The following WDR27 variants were observed in gnomAD, a reference collection of about 807,000 sequenced individuals.
The protein encoded by WDR27 is WD repeat-containing protein 27.
A neutral mutation model predicts 114.4 loss-of-function variants in WDR27; 100 were observed. The observed-to-expected ratio is 0.87, with a 90% CI of 0.74 to 1.03. The LOEUF (loss-of-function observed/expected upper bound fraction) is 1.03, where lower values mean the gene tolerates loss of function less well. WDR27 is among the 50% of genes least tolerant of loss of function. WDR27 has a pLI of 0.00. For synonymous variants in WDR27, 449 were observed against 423.1 expected, an observed-to-expected ratio of 1.06 and a Z score of -0.75; for missense variants, 1,129 against 1,092.9, an observed-to-expected ratio of 1.03 and a Z score of -0.47.
chr6:169,665,240 C>A lies in WDR27; in HGVS notation c.783+246G>T. The A allele has an allele frequency of 2.4e-6, 3 of 1,270,650 alleles. No homozygotes were observed. In the South Asian group the frequency reaches 7.0e-5, roughly 30 times the overall value. 78.7% of individuals were successfully genotyped at this position (1,270,650 alleles called of 1,614,324 possible). On this transcript the variant is annotated intron_variant, in intron 7 of 25. Transcript: ENST00000448612. ...GTGAGTGGCCCTCACTTTTGCTGCA[C>A]TCCAGAACCACGCATGGAGCTCTGG... is the stretch of plus-strand genomic sequence containing the variant.
At chr6:169,498,386 T>C (rs917545778) in intron 25 of WDR27, among the ~76,000 whole-genome samples, 2 of 152,162 alleles carry the variant, frequency 1.3e-5, no homozygotes, top group African/African-American at 4.8e-5. Context: ...ACTAACATGA[T>C]GAATGCACTC....
At position 169,659,535 on chromosome 6, in the gene WDR27, A is replaced by G. The variant is rs1331736082; in HGVS notation, c.1130-17T>C. 1 of 1,600,988 alleles carries G rather than the reference A, an allele frequency of 6.2e-7. No homozygotes were observed. The highest frequency in any genetic ancestry group is 8.5e-7 in the Non-Finnish European group (1 of 1,174,320). ...TCTGGAAATCTTCAGTTGAGCGAAG[A>G]CCAGGAAGAACATGATGGGGAGGGA... is the stretch of plus-strand genomic sequence containing the variant. On this transcript the variant is annotated splice_polypyrimidine_tract_variant and intron_variant, in intron 10 of 25. Coordinates refer to ENST00000448612, the MANE Select transcript of WDR27 (RefSeq NM_182552.5). This position sits in a 1 kb window ranked among gnomAD's most constrained non-coding sequence, Gnocchi z 4.3.
intron 25 of WDR27, among the ~76,000 whole-genome samples, chr6:169,570,954 G>A (rs758813501): frequency 6.6e-6 from 1 of 152,178 alleles, no homozygotes. Context: ...TTGCCCTCTC[G>A]GCCAGGCCCA....
chr6:169,621,285 C>T (rs1813082793), intron 21 of WDR27, among the ~76,000 whole-genome samples: 2 of 151,248 alleles, frequency 1.3e-5, no homozygotes, highest in African/African-American at 2.5e-5. Context: ...CACACACACA[C>T]ATGCACGCAC....
Position 169,594,151 on chromosome 6 carries a change from C to A in WDR27, c.2424+8068G>T, listed in dbSNP as rs551250220. ...ATCATGTTAGAAACAACATTATTTT[C>A]AAGAAATTCTACAATTTCCTATTTT... is the stretch of plus-strand genomic sequence containing the variant. On this transcript the variant is annotated intron_variant, in intron 23 of 25. Coordinates refer to ENST00000448612, the MANE Select transcript of WDR27 (RefSeq NM_182552.5). Among the ~76,000 whole-genome samples the A allele has an allele frequency of 3.9e-4, 60 of 152,264 alleles. 1 individual carries two copies. The South Asian group carries it at 0.012, about 30-fold the overall frequency.
chr6:169,666,749 C>T (rs916384470), intron 6 of WDR27: 47 of 994,058 alleles, frequency 4.7e-5, no homozygotes, highest in Non-Finnish European at 5.3e-5. Context: ...CCAGGTGTGG[C>T]GCACGCCCAA....
chr6:169,497,620 A>T (rs1166456246), intron 25 of WDR27, among the ~76,000 whole-genome samples: 1 of 152,174 alleles, frequency 6.6e-6, no homozygotes, highest in African/African-American at 2.4e-5. Context: ...TCCAAAGAAG[A>T]TACACAAATG....
At chr6:169,426,712 C>T in the WDR27 span, 3,061 of 152,426 alleles carry the variant, frequency 0.02, 65 homozygotes, top group East Asian at 0.069. Flanking sequence ...TGGAAACTGT[C>T]TTTTTACTGG....
rs118027226 is a variant in WDR27 at position 169,572,266 on chromosome 6, C to A, written c.2645+153G>T. 1.4e-3 allele frequency among the ~76,000 whole-genome samples: 206 copies of A among 152,092 alleles called. 4 individuals are homozygous for A. In the East Asian group the frequency reaches 0.032, roughly 24 times the overall value. On this transcript the variant is annotated intron_variant, in intron 25 of 25. Transcript: ENST00000448612. Reference sequence around the variant, plus strand: ...AAAATTAAAAGAATTCTGGGCCGGGCGTGGTGGCTCACGCCGGTAATCCCA... The same window carrying A: ...AAAATTAAAAGAATTCTGGGCCGGGAGTGGTGGCTCACGCCGGTAATCCCA...
At chr6:169,649,004 T>C (rs73240727) in intron 15 of WDR27, among the ~76,000 whole-genome samples, 194 bp downstream of exon 15, 5,857 of 152,348 alleles carry the variant, frequency 0.038, 390 homozygotes, top group African/African-American at 0.13. Context: ...ACAGACCATG[T>C]CTGAAAAATT....
chr6:169,439,288 G>T, the WDR27 span, among the ~76,000 whole-genome samples: 1 of 152,152 alleles, frequency 6.6e-6, no homozygotes, highest in African/African-American at 2.4e-5. Flanking sequence ...TATCAGTAAT[G>T]ATTTTGGTTG....
chr6:169,530,893 G>A (rs1470923033), intron 25 of WDR27, among the ~76,000 whole-genome samples: 3 of 152,200 alleles, frequency 2.0e-5, no homozygotes, highest in African/African-American at 4.8e-5. Flanking sequence ...ATGCATGCAC[G>A]TCTCATGTCT....
chr6:169,514,873 G>C (rs370926185), intron 25 of WDR27, among the ~76,000 whole-genome samples: 1 of 150,728 alleles, frequency 6.6e-6, no homozygotes, highest in Non-Finnish European at 1.5e-5. Flanking sequence ...TTGACAAATA[G>C]TAATTACAAA....
At chr6:169,606,204 A>C (rs1341445837) in intron 22 of WDR27, among the ~76,000 whole-genome samples, 3 of 151,794 alleles carry the variant, frequency 2.0e-5, no homozygotes, top group African/African-American at 7.3e-5. Context: ...CAAACTATGC[A>C]TTTTACAGGG....
chr6:169,658,135 G>C, intron 13 of WDR27, 141 bp downstream of exon 13: 1 of 691,312 alleles, frequency 1.4e-6, no homozygotes, highest in South Asian at 1.7e-5. Flanking sequence ...ACGAGAGGCA[G>C]AGACATGAAG....
chr6:169,537,595 G>A (rs1275617165), intron 25 of WDR27, among the ~76,000 whole-genome samples: 1 of 152,156 alleles, frequency 6.6e-6, no homozygotes, highest in African/African-American at 2.4e-5. Flanking sequence ...ATGGAGGGTG[G>A]AATGTGAGCA....
At chr6:169,585,859 C>A (rs1326263229) in intron 23 of WDR27, among the ~76,000 whole-genome samples, 1 of 152,058 alleles carries the variant, frequency 6.6e-6, no homozygotes, top group Non-Finnish European at 1.5e-5. Context: ...CAGAGGCAGG[C>A]TCACTCGGTG....
the WDR27 span, among the ~76,000 whole-genome samples, chr6:169,438,999 T>G: frequency 7.2e-4 from 110 of 152,328 alleles, 1 homozygote; most frequent in Non-Finnish European, 1.8e-4. Context: ...TTAAATGTTT[T>G]AAGTTTTTTT....
At chr6:169,502,687 G>A (rs1247611471) in intron 25 of WDR27, among the ~76,000 whole-genome samples, 3 of 152,110 alleles carry the variant, frequency 2.0e-5, no homozygotes, top group Non-Finnish European at 1.5e-5. Context: ...TCCCTCTTAA[G>A]CTCCCTCGTG....
Sources: allele counts gnomAD v4.1 joint callset (sites outside exome capture counted in the v4.1 genomes callset), GRCh38; gene constraint gnomAD v4.1.1; non-coding constraint Gnocchi (gnomAD v3.1); transcripts MANE v1.5; gene names NCBI Gene and HGNC (gene_info 2026-07-23, HGNC 2026-07-21).